Variants in PLEKHA6 observed in about 807,000 individuals in gnomAD.
PLEKHA6 encodes pleckstrin homology domain-containing family A member 6.
A neutral mutation model predicts 116.7 loss-of-function variants in PLEKHA6; 60 were observed. The observed-to-expected ratio is 0.51, with a 90% CI of 0.42 to 0.64. The LOEUF is 0.64. Ranked by LOEUF, PLEKHA6 falls within the 30% of genes least tolerant of loss-of-function variation. The pLI, the probability that PLEKHA6 is intolerant of heterozygous loss-of-function variation, is 0.00. For missense variants in PLEKHA6, 1,338 were observed against 1,422.7 expected (o/e 0.94, Z 0.96); for synonymous variants, 489 against 556.1 (o/e 0.88, Z 1.70).
chr1:204,239,742 G>T (rs1481944756), intron 17 of PLEKHA6, among the ~76,000 whole-genome samples: 2 of 152,154 alleles, frequency 1.3e-5, no homozygotes, highest in Admixed American at 6.5e-5. Flanking sequence ...ACAATACTTT[G>T]CAGGGCTGGT....
At chr1:204,285,443 T>G (rs1669049541) in intron 1 of PLEKHA6, among the ~76,000 whole-genome samples, 1 of 151,884 alleles carries the variant, frequency 6.6e-6, no homozygotes, top group African/African-American at 2.4e-5. Context: ...TTTTGTTGTT[T>G]TTGTTGTTGT....
intron 1 of PLEKHA6, among the ~76,000 whole-genome samples, chr1:204,375,319 C>T (rs1322860146): frequency 4.6e-5 from 7 of 152,106 alleles, no homozygotes; most frequent in Non-Finnish European, 7.4e-5. Flanking sequence ...CAGTGTTTCC[C>T]CACTAACCCT....
intron 1 of PLEKHA6, among the ~76,000 whole-genome samples, chr1:204,325,456 C>T (rs1049084214): frequency 5.9e-5 from 9 of 152,124 alleles, no homozygotes; most frequent in African/African-American, 1.9e-4. Context: ...AAAGAACTCA[C>T]GTAAATAAAT....
At chr1:204,316,337 C>T (rs1338538342) in intron 1 of PLEKHA6, among the ~76,000 whole-genome samples, 1 of 152,242 alleles carries the variant, frequency 6.6e-6, no homozygotes, top group Non-Finnish European at 1.5e-5. Flanking sequence ...GGTGTTGGAG[C>T]ACTCCCTGTG....
At chr1:204,312,518 G>A (rs932089107) in intron 1 of PLEKHA6, among the ~76,000 whole-genome samples, 8 of 152,168 alleles carry the variant, frequency 5.3e-5, no homozygotes, top group Non-Finnish European at 1.0e-4. Flanking sequence ...TTACTACAGG[G>A]CCGGGATGCT....
chr1:204,249,112 C>G (rs1664187378), intron 11 of PLEKHA6, 72 bp downstream of exon 11: 8 of 1,482,038 alleles, frequency 5.4e-6, no homozygotes, highest in Admixed American at 3.4e-5. Context: ...AGGTTGGAGA[C>G]AGCAGCCCAC....
rs545902386 is a variant in PLEKHA6, at chr1:204,332,149, C to A, written c.-95+27545G>T. On this transcript the variant is annotated intron_variant, in intron 1 of 22. Transcript: ENST00000272203. ...GGAGCCTGCCCTAGCTCACCCTTTG[C>A]CGGCATGTTGCTGCAGGGGACAGAG... 3.3e-5 allele frequency among the ~76,000 whole-genome samples: 5 copies of A among 152,284 alleles called. No individual in the cohort carries two copies. In the South Asian group the frequency reaches 1.0e-3, roughly 32 times the overall value.
At chr1:204,368,176 C>G (rs115925791) in intron 2 of PLEKHA6, among the ~76,000 whole-genome samples, 1,523 of 152,270 alleles carry the variant, frequency 0.01, 19 homozygotes, top group African/African-American at 0.033. Context: ...ATCTACGATG[C>G]GCCAGGCCCT....
At chr1:204,294,051 A>G (rs991649847) in intron 1 of PLEKHA6, among the ~76,000 whole-genome samples, 9 of 152,234 alleles carry the variant, frequency 5.9e-5, no homozygotes, top group African/African-American at 2.2e-4. Flanking sequence ...ATGCAAGAGA[A>G]TGTCCTTGTT....
At chr1:204,323,024 G>A (rs751314088) in intron 1 of PLEKHA6, among the ~76,000 whole-genome samples, 20 of 152,130 alleles carry the variant, frequency 1.3e-4, no homozygotes, top group Non-Finnish European at 2.6e-4. Context: ...TGCCTTCCCC[G>A]CTTTTACATT....
rs1196152253 is a variant in PLEKHA6, at chr1:204,223,238, A to T, written c.*8+224T>A. On this transcript the variant is annotated intron_variant, in intron 22 of 22. Coordinates refer to ENST00000272203, the MANE Select transcript of PLEKHA6 (RefSeq NM_014935.5). This position sits in a 1 kb window ranked among gnomAD's most constrained non-coding sequence, Gnocchi z 4.8. ...GAGAAGCAAAGGCCATTGGCATCAC[A>T]ACATCCAAGAAGCGGCCCTGCCAGC... 1.3e-5 allele frequency among the ~76,000 whole-genome samples: 2 copies of T among 152,094 alleles called. No homozygotes were observed. The highest frequency in any genetic ancestry group is 2.9e-5 in the Non-Finnish European group (2 of 68,004).
intron 9 of PLEKHA6, among the ~76,000 whole-genome samples, chr1:204,253,261 A>G (rs951941762): frequency 2.0e-5 from 3 of 152,198 alleles, no homozygotes; most frequent in African/African-American, 7.2e-5. Context: ...GGCAGATTCT[A>G]CAATGCCCAT....
chr1:204,374,038 C>T (rs776861425), intron 1 of PLEKHA6, among the ~76,000 whole-genome samples: 3 of 152,118 alleles, frequency 2.0e-5, no homozygotes, highest in East Asian at 1.9e-4. Context: ...GCACACTGTC[C>T]GCCCCCTCAG....
At chr1:204,279,785 T>C (rs756476471) in intron 1 of PLEKHA6, among the ~76,000 whole-genome samples, 9 of 152,340 alleles carry the variant, frequency 5.9e-5, no homozygotes, top group South Asian at 4.1e-4. Flanking sequence ...GTTAGGAATA[T>C]GACTTTATTT....
chr1:204,346,929 CT>C, intron 1 of PLEKHA6: 1 of 1,222,708 alleles, frequency 8.2e-7, no homozygotes, highest in Non-Finnish European at 1.2e-6. Flanking sequence ...GATCATTTTC[CT>C]TCACACGTTT....
At chr1:204,371,242 CAG>C (rs761716118) in intron 2 of PLEKHA6, among the ~76,000 whole-genome samples, 1 of 152,088 alleles carries the variant, frequency 6.6e-6, no homozygotes, top group African/African-American at 2.4e-5. Context: ...GCCCTTGAGA[CAG>C]GGGATTTTCT....
chr1:204,374,521 T>C (rs754657827), intron 1 of PLEKHA6, among the ~76,000 whole-genome samples: 1 of 152,158 alleles, frequency 6.6e-6, no homozygotes, highest in Non-Finnish European at 1.5e-5. Context: ...CACCCATCCT[T>C]TAATACTTGT....
At position 204,250,552 on chromosome 1, in the gene PLEKHA6, G is replaced by T; in HGVS notation, c.1587C>A (p.Asp529Glu). 1 of 1,611,530 alleles carries T rather than the reference G, an allele frequency of 6.2e-7. No homozygotes were observed. ...CAGGGGGCGCTGCTCTTACATCTGTGTCTTGCTCGTTTAACTTGTAGGTGT... is the reference window on the plus strand; with the variant it reads ...CAGGGGGCGCTGCTCTTACATCTGTTTCTTGCTCGTTTAACTTGTAGGTGT... The part of the protein sequence containing the change: ...SLHTYKLNEQ[D>E]TDKLLGKLCE... The change falls in exon 10 of 23, where the codon GAC (aspartate) becomes GAA (glutamate). Residue 529 changes from aspartate to glutamate, a missense_variant. Asp to Glu is a conservative substitution (Grantham distance 45). Transcript: ENST00000272203.
intron 15 of PLEKHA6, among the ~76,000 whole-genome samples, chr1:204,243,718 G>A (rs190579953): frequency 4.6e-5 from 7 of 152,328 alleles, no homozygotes; most frequent in Middle Eastern, 3.4e-3. Flanking sequence ...GACATATGCC[G>A]TCATGTTCCT....
Sources: gnomAD v4.1 joint callset for allele counts (sites outside exome capture counted in the v4.1 genomes callset) on GRCh38, gnomAD v4.1.1 for gene constraint, Gnocchi (gnomAD v3.1) non-coding constraint, MANE v1.5 for transcripts, NCBI Gene and HGNC (gene_info 2026-07-23, HGNC 2026-07-21) for gene names.